Variants in IL1R1 observed in about 807,000 individuals in gnomAD.
IL1R1 encodes interleukin-1 receptor type 1.
A neutral mutation model predicts 50.2 loss-of-function variants in IL1R1; 22 were observed. The ratio of observed to expected loss-of-function variants is 0.44; its 90% CI spans 0.31 to 0.63. The LOEUF (loss-of-function observed/expected upper bound fraction) is 0.63. Ranked by LOEUF, IL1R1 falls within the 20% of genes least tolerant of loss-of-function variation. IL1R1 has a pLI of 0.07. For missense variants in IL1R1, 509 were observed against 676.2 expected, an observed-to-expected ratio of 0.75 and a Z score of 2.74; for synonymous variants, 251 against 236.7, an observed-to-expected ratio of 1.06 and a Z score of -0.55.
At chr2:102,143,694 C>T (rs1682871520) in intron 1 of IL1R1, among the ~76,000 whole-genome samples, 1 of 152,172 alleles carries the variant, frequency 6.6e-6, no homozygotes, top group Non-Finnish European at 1.5e-5. Flanking sequence ...CATGCAGCCC[C>T]CCTCTGTCTT....
chr2:102,077,357 C>G (rs1013153969), intron 1 of IL1R1, among the ~76,000 whole-genome samples: 2 of 152,170 alleles, frequency 1.3e-5, no homozygotes, highest in Non-Finnish European at 2.9e-5. Context: ...AGGTGTGAGC[C>G]GTGGCACCCG....
At chr2:102,092,025 AC>A (rs1679690703) in intron 1 of IL1R1, among the ~76,000 whole-genome samples, 1 of 152,136 alleles carries the variant, frequency 6.6e-6, no homozygotes, top group African/African-American at 2.4e-5. Context: ...ATGAGATTTT[AC>A]TCTGCCATTT....
chr2:102,141,478 G>A (rs2104439062), upstream of IL1R1, among the ~76,000 whole-genome samples: 1 of 152,326 alleles, frequency 6.6e-6, no homozygotes, highest in Middle Eastern at 3.4e-3. Flanking sequence ...TCGAGGAAAA[G>A]GAACCATAAA....
chr2:102,110,230 G>A (rs1031351043), intron 1 of IL1R1, among the ~76,000 whole-genome samples: 6 of 152,094 alleles, frequency 3.9e-5, no homozygotes, highest in South Asian at 2.1e-4. Flanking sequence ...TATCAAAGGC[G>A]GTGCATTTTC....
chr2:102,161,726 G>A (rs1684745616), intron 3 of IL1R1, among the ~76,000 whole-genome samples: 1 of 152,006 alleles, frequency 6.6e-6, no homozygotes, highest in Non-Finnish European at 1.5e-5. Context: ...TGGGACAAAA[G>A]TCTCTCTGTG....
intron 1 of IL1R1, among the ~76,000 whole-genome samples, chr2:102,133,198 C>T (rs1682136560): frequency 7.0e-6 from 1 of 142,998 alleles, no homozygotes; most frequent in South Asian, 2.2e-4. Flanking sequence ...GAGCCCATAT[C>T]GTGCCACTGC....
At position 102,165,134 on chromosome 2, in the gene IL1R1, A is replaced by G. The variant is rs1381070071; in HGVS notation, c.316A>G (p.Arg106Gly). ...CVVRNSSYCL[R>G]IKISAKFVEN... Reference sequence around the variant, plus strand: ...TTTTAGAAATTCATCTTACTGCCTCAGAATTAAAATAAGTGCAAAATTTGT... The same window carrying G: ...TTTTAGAAATTCATCTTACTGCCTCGGAATTAAAATAAGTGCAAAATTTGT... Residue 106 changes from arginine (R) to glycine (G), a missense_variant, in exon 5 of 12, where the codon AGA (arginine) becomes GGA (glycine). Transcript: ENST00000410023. The G allele has an allele frequency of 2.5e-6, 4 of 1,574,496 alleles. No homozygotes were observed. Among genetic ancestry groups the G allele is most frequent in the Admixed American group, 2.0e-5 (1 of 49,494 alleles).
chr2:102,084,080 A>G lies in IL1R1; in HGVS notation c.-84+13547A>G, dbSNP rs1035275185. ...CTCTTGCGACTCTGAATCTCTTGCG[A>G]CTCTGAATCTCTCGCAATCTCAATT... On this transcript the variant is annotated intron_variant, in intron 1 of 11. Coordinates refer to the IL1R1 transcript ENST00000409929. Among the ~76,000 whole-genome samples, 7 of 152,202 alleles carry G rather than the reference A, an allele frequency of 4.6e-5. No homozygotes were observed. The East Asian group carries it at 1.3e-3, about 29-fold the overall frequency.
At chr2:102,085,747 A>T (rs1679404664) in intron 1 of IL1R1, among the ~76,000 whole-genome samples, 1 of 152,086 alleles carries the variant, frequency 6.6e-6, no homozygotes, top group Admixed American at 6.6e-5. Context: ...CAAAATACCA[A>T]CAGCGATTTT....
At position 102,177,074 on chromosome 2, in the gene IL1R1, C is replaced by T; in HGVS notation, c.*315C>T. 3.8e-6 allele frequency: 1 copy of T among 263,696 alleles called. No individual in the cohort carries two copies. The highest frequency in any genetic ancestry group is 7.3e-6 in the Non-Finnish European group (1 of 136,084). The allele number at this position is 263,696 out of a possible 1,614,324, so 16.3% of individuals were successfully genotyped here. ...AGAGGTCAGGAGTTCGAGACCAGCC[C>T]AGCCAACATGGCAAAACCCCATCTC... is the stretch of plus-strand genomic sequence containing the variant. On this transcript the variant is annotated 3_prime_UTR_variant, in exon 12 of 12. Coordinates refer to ENST00000410023, the MANE Select transcript of IL1R1 (RefSeq NM_000877.4).
Position 102,092,555 on chromosome 2 carries a change from T to C in IL1R1, c.-84+22022T>C, listed in dbSNP as rs563786213. 2.1e-3 allele frequency among the ~76,000 whole-genome samples: 318 copies of C among 152,244 alleles called. 1 individual carries two copies. The highest frequency in any genetic ancestry group is 2.5e-3 in the Non-Finnish European group (173 of 68,024). ...TTAAGTGCTCTTTAAACCAATTCTTTTTGGGATTTTTCCCTATTCATTTCC... is the reference window on the plus strand; with the variant it reads ...TTAAGTGCTCTTTAAACCAATTCTTCTTGGGATTTTTCCCTATTCATTTCC... On this transcript the variant is annotated intron_variant, in intron 1 of 11. Coordinates refer to the IL1R1 transcript ENST00000409929.
At chr2:102,112,313 T>A (rs1229094534) in intron 1 of IL1R1, among the ~76,000 whole-genome samples, 1 of 60,534 alleles carries the variant, frequency 1.7e-5, no homozygotes, top group African/African-American at 5.2e-5. Context: ...GGGATTAACG[T>A]GTGTGTGTGT....
intron 7 of IL1R1, 77 bp downstream of exon 7, chr2:102,168,740 TTACTA>T (rs1685418466): frequency 4.0e-6 from 4 of 1,000,126 alleles, no homozygotes; most frequent in Non-Finnish European, 6.2e-6. Flanking sequence ...AATTGTATCT[TTACTA>T]TATATAATCT....
At chr2:102,112,744 G>T (rs1680844811) in intron 1 of IL1R1, among the ~76,000 whole-genome samples, 1 of 152,036 alleles carries the variant, frequency 6.6e-6, no homozygotes, top group Non-Finnish European at 1.5e-5. Flanking sequence ...GTTTTTTTTA[G>T]GCGTTGGGTT....
At chr2:102,146,339 G>A (rs1474337327) in intron 1 of IL1R1, among the ~76,000 whole-genome samples, 14 of 152,172 alleles carry the variant, frequency 9.2e-5, no homozygotes, top group African/African-American at 3.1e-4. Context: ...ATTTTGAAAC[G>A]ATATAATAAA....
upstream of IL1R1, chr2:102,141,771 C>T (rs968835779): frequency 2.6e-5 from 4 of 152,240 alleles, no homozygotes; most frequent in African/African-American, 9.7e-5. Context: ...TATTAAAACT[C>T]TTCTTGGAGG....
chr2:102,102,548 A>G (rs1204677699), upstream of IL1R1, among the ~76,000 whole-genome samples: 2 of 152,188 alleles, frequency 1.3e-5, no homozygotes, highest in Admixed American at 1.3e-4. Flanking sequence ...GAATGCTTAT[A>G]TTCTGCTTGT....
chr2:102,148,945 A>AAAAC (rs35503646), intron 1 of IL1R1, among the ~76,000 whole-genome samples: 7,862 of 150,654 alleles, frequency 0.052, 430 homozygotes, highest in African/African-American at 0.14. Flanking sequence ...ACTCTGTCTC[A>AAAAC]AAACAAACAA....
intron 1 of IL1R1, among the ~76,000 whole-genome samples, chr2:102,151,539 TG>T (rs1157645729): frequency 2.0e-5 from 3 of 152,100 alleles, no homozygotes; most frequent in African/African-American, 7.2e-5. Flanking sequence ...CTCATGGGTG[TG>T]GGAGAGGGGA....
Sources: allele counts gnomAD v4.1 joint callset (sites outside exome capture counted in the v4.1 genomes callset), GRCh38; gene constraint gnomAD v4.1.1; transcripts MANE v1.5; gene names NCBI Gene and HGNC (gene_info 2026-07-23, HGNC 2026-07-21).